The following TMEM236 variants were observed in gnomAD, a reference collection of about 807,000 sequenced individuals.
The protein encoded by TMEM236 is family with sequence similarity 23, member A.
TMEM236 carries 11 observed loss-of-function variants against 14.7 expected under a neutral mutation model. The ratio of observed to expected loss-of-function variants is 0.75; its 90% confidence interval spans 0.47 to 1.24. The LOEUF (loss-of-function observed/expected upper bound fraction) is 1.24. TMEM236 is among the 50% of genes most tolerant of loss of function. The pLI is 0.00. For missense variants in TMEM236, 464 were observed against 427.3 expected (o/e 1.09, Z -0.76); for synonymous variants, 182 against 168.6 (o/e 1.08, Z -0.62).
In TMEM236 at chr10:17,761,167, G is replaced by C. The variant is rs1837356463; in HGVS notation, c.257+8615G>C. ...CATCCCAATTAGGCCCTTATTTCCA[G>C]ACCATCAAAACTTGAGTTTCTGACG... On this transcript the variant is annotated intron_variant, in intron 1 of 3. Coordinates refer to ENST00000377495, the MANE Select transcript of TMEM236 (RefSeq NM_001098844.3). 2.0e-5 allele frequency among the ~76,000 whole-genome samples: 3 copies of C among 152,086 alleles called. No homozygotes were observed. In the South Asian group the frequency reaches 6.2e-4, roughly 32 times the overall value.
Position 17,752,243 on chromosome 10 carries a change from GC to G in TMEM236, c.-50del. The G allele has an allele frequency of 1.2e-6, 2 of 1,613,838 alleles. No homozygotes were observed. The highest frequency in any genetic ancestry group is 1.3e-5 in the African/African-American group (1 of 75,034). The stretch of plus-strand genomic sequence containing the variant: ...TTCAGTGTCTGTGGGTCCATATGCT[GC>G]CCACAGTCAAAGAGGGAGTCCCAGG... On this transcript the variant is annotated 5_prime_UTR_variant, in exon 1 of 4. Transcript: ENST00000377495.
At chr10:17,758,418 A>G (rs1837312143) in intron 1 of TMEM236, among the ~76,000 whole-genome samples, 1 of 152,178 alleles carries the variant, frequency 6.6e-6, no homozygotes, top group Admixed American at 6.5e-5. Context: ...CCCCAGGAAT[A>G]TATGTAAAGG....
rs979628665 is a variant in TMEM236 at position 17,769,304 on chromosome 10, A to G, written c.258-2005A>G. Among the ~76,000 whole-genome samples, 436 of 152,276 alleles carry G rather than the reference A, an allele frequency of 2.9e-3. 3 individuals carry two copies. Among genetic ancestry groups the G allele is most frequent in the African/African-American group, 0.01 (421 of 41,546 alleles). On this transcript the variant is annotated intron_variant, in intron 1 of 3. Transcript: ENST00000377495. ...CAGGATTAGATGATGGGCTGGAACA[A>G]GTATGGAGGAGGACTTGGGTTCTGT...
chr10:17,769,090 A>G (rs935162239), intron 1 of TMEM236, among the ~76,000 whole-genome samples: 1 of 152,072 alleles, frequency 6.6e-6, no homozygotes, highest in East Asian at 1.9e-4. Flanking sequence ...ACATTGGAGC[A>G]GTGACAAGAC....
intron 1 of TMEM236, among the ~76,000 whole-genome samples, chr10:17,765,023 T>A (rs1426400470): frequency 6.6e-6 from 1 of 151,938 alleles, no homozygotes; most frequent in Non-Finnish European, 1.5e-5. Context: ...GATTTTACCA[T>A]GTTGGCAAGG....
intron 1 of TMEM236, among the ~76,000 whole-genome samples, chr10:17,759,302 C>T (rs1837323772): frequency 6.6e-6 from 1 of 152,192 alleles, no homozygotes; most frequent in Non-Finnish European, 1.5e-5. Flanking sequence ...TGAGAAGGTA[C>T]ATTGGCAGTA....
chr10:17,795,687 AG>A lies in TMEM236; in HGVS notation c.473-232del, dbSNP rs1459047844. Among the ~76,000 whole-genome samples the A allele has an allele frequency of 2.1e-3, 326 of 152,316 alleles. 3 individuals carry two copies. Among genetic ancestry groups the A allele is most frequent in the African/African-American group, 7.4e-3 (308 of 41,558 alleles). On this transcript the variant is annotated intron_variant, in intron 3 of 3. Transcript: ENST00000377495. The stretch of plus-strand genomic sequence containing the variant: ...CTAATGCATGTGAGGCTTAATATCT[AG>A]GTGATGGGTTGACAGGTGCAGCACG...
intron 2 of TMEM236, 60 bp from the exon 3 acceptor site, chr10:17,775,969 A>T (rs970524039): frequency 1.4e-4 from 221 of 1,588,504 alleles, no homozygotes; most frequent in Admixed American, 3.2e-4. Context: ...GACTATTGAA[A>T]GCATTTTGAG....
chr10:17,795,814 G>T, intron 3 of TMEM236, 107 bp from the exon 4 acceptor site: 1 of 1,156,840 alleles, frequency 8.6e-7, no homozygotes, highest in East Asian at 2.5e-5. Context: ...AAAAACAAAA[G>T]AATATGGAGA....
chr10:17,792,044 G>A (rs1837933880), intron 3 of TMEM236, among the ~76,000 whole-genome samples: 1 of 151,816 alleles, frequency 6.6e-6, no homozygotes, highest in East Asian at 1.9e-4. Flanking sequence ...GATGTTTTTA[G>A]GTGCCTTTTC....
chr10:17,781,464 G>T (rs1016107150), intron 3 of TMEM236, among the ~76,000 whole-genome samples: 1 of 152,074 alleles, frequency 6.6e-6, no homozygotes, highest in African/African-American at 2.4e-5. Flanking sequence ...GCAGCCCGGC[G>T]TGGTGGCTCA....
chr10:17,764,947 G>A (rs1394810179), intron 1 of TMEM236, among the ~76,000 whole-genome samples: 3 of 148,262 alleles, frequency 2.0e-5, no homozygotes, highest in African/African-American at 2.5e-5. Flanking sequence ...TCAGCCTCCC[G>A]GGTAGCTGGG....
At chr10:17,753,241 A>G (rs1306737515) in intron 1 of TMEM236, among the ~76,000 whole-genome samples, 1 of 152,058 alleles carries the variant, frequency 6.6e-6, no homozygotes, top group Non-Finnish European at 1.5e-5. Flanking sequence ...TTTCAAAGAT[A>G]TATTTGTTTG....
intron 1 of TMEM236, among the ~76,000 whole-genome samples, chr10:17,764,339 C>T (rs912221837): frequency 1.3e-5 from 2 of 152,126 alleles, no homozygotes; most frequent in South Asian, 2.1e-4. Flanking sequence ...TTATGATGCA[C>T]ACAGAGATCT....
At chr10:17,760,252 A>G (rs992516508) in intron 1 of TMEM236, among the ~76,000 whole-genome samples, 4 of 151,856 alleles carry the variant, frequency 2.6e-5, no homozygotes, top group East Asian at 1.9e-4. Context: ...GTTATCTACC[A>G]TGTTTAACAT....
chr10:17,778,117 AAAG>A (rs1837689199), intron 3 of TMEM236, among the ~76,000 whole-genome samples: 1 of 152,282 alleles, frequency 6.6e-6, no homozygotes, highest in East Asian at 1.9e-4. Flanking sequence ...TAAGACATCT[AAAG>A]AAGAAGTAGA....
intron 1 of TMEM236, 41 bp downstream of exon 1, chr10:17,752,593 G>A (rs898369452): frequency 3.3e-5 from 52 of 1,592,926 alleles, no homozygotes; most frequent in Non-Finnish European, 4.4e-5. Context: ...TTGATTTGGA[G>A]TCTCGCTCTG....
Position 17,796,469 on chromosome 10 carries a change from A to G in TMEM236, c.1021A>G (p.Arg341Gly). Reference protein sequence around the residue: ...YIYFNYLTRIRIFSAFEMSPF With the variant: ...YIYFNYLTRIGIFSAFEMSPF ...TTACTTCAATTACCTAACCAGAATC[A>G]GGATTTTTTCTGCCTTTGAAATGTC... is the stretch of plus-strand genomic sequence containing the variant. Residue 341 changes from arginine (R) to glycine (G), a missense_variant, in exon 4 of 4, where the codon AGG (arginine) becomes GGG (glycine). Coordinates refer to ENST00000377495, the MANE Select transcript of TMEM236 (RefSeq NM_001098844.3). The G allele has an allele frequency of 6.2e-7, 1 of 1,613,582 alleles. No homozygotes were observed. Among genetic ancestry groups the G allele is most frequent in the Non-Finnish European group, 8.5e-7 (1 of 1,179,782 alleles).
In TMEM236 at chr10:17,792,786, G is replaced by T. The variant is rs1195894486; in HGVS notation, c.473-3135G>T. Among the ~76,000 whole-genome samples, 3 of 152,146 alleles carry T rather than the reference G, an allele frequency of 2.0e-5. No homozygotes were observed. The South Asian group carries it at 6.2e-4, about 32-fold the overall frequency. ...TATGCTTATATCTTCTATAGATTTT[G>T]CACCAATGAATATTGTTTTACCCAA... is the stretch of plus-strand genomic sequence containing the variant. On this transcript the variant is annotated intron_variant, in intron 3 of 3. Transcript: ENST00000377495.
Sources: gnomAD v4.1 joint callset for allele counts (sites outside exome capture counted in the v4.1 genomes callset) on GRCh38, gnomAD v4.1.1 for gene constraint, MANE v1.5 for transcripts, NCBI Gene and HGNC (gene_info 2026-07-23, HGNC 2026-07-21) for gene names.